The following ERBB4 variants were observed in gnomAD, a reference collection of about 807,000 sequenced individuals.
The protein encoded by ERBB4 is erb-b2 receptor tyrosine kinase 4, also known as receptor tyrosine-protein kinase erbB-4.
ERBB4 carries 42 observed loss-of-function variants against 158.0 expected under a neutral mutation model. The ratio of observed to expected loss-of-function variants is 0.27; its 90% CI spans 0.21 to 0.34. ERBB4 has a LOEUF of 0.34. Among genes scored for constraint, ERBB4 ranks in the 10% least tolerant of loss-of-function variants. The probability of loss-of-function intolerance (pLI) is 1.00; values close to 1 mark genes in which losing one functional copy is unlikely to be tolerated. For synonymous variants in ERBB4, 583 were observed against 558.7 expected, an observed-to-expected ratio of 1.04 and a Z score of -0.61; for missense variants, 1,333 against 1,624.1, an observed-to-expected ratio of 0.82 and a Z score of 3.08.
At chr2:211,925,376 CTTT>C (rs71054150) in intron 3 of ERBB4, among the ~76,000 whole-genome samples, 5 of 81,574 alleles carry the variant, frequency 6.1e-5, no homozygotes, top group Admixed American at 1.6e-4. Flanking sequence ...AACAAGACTG[CTTT>C]TTTTTTTTTT....
intron 1 of ERBB4, among the ~76,000 whole-genome samples, chr2:212,414,588 T>C (rs1269432338): frequency 1.3e-5 from 2 of 152,192 alleles, no homozygotes; most frequent in Non-Finnish European, 2.9e-5. Context: ...TTAAGCTAAA[T>C]TGATAAATTG....
intron 20 of ERBB4, among the ~76,000 whole-genome samples, chr2:211,506,030 A>G (rs1195542807): frequency 6.6e-6 from 1 of 151,982 alleles, no homozygotes; most frequent in Non-Finnish European, 1.5e-5. Flanking sequence ...TCTGCAGCTT[A>G]TAAGAGAACC....
intron 16 of ERBB4, among the ~76,000 whole-genome samples, chr2:211,647,662 A>G (rs1215834934): frequency 6.6e-6 from 1 of 151,722 alleles, no homozygotes; most frequent in Non-Finnish European, 1.5e-5. Context: ...AGTTCTAAAT[A>G]TTTTTTGAAT....
At chr2:212,513,660 A>C (rs1181909738) in intron 1 of ERBB4, among the ~76,000 whole-genome samples, 1 of 151,984 alleles carries the variant, frequency 6.6e-6, no homozygotes, top group Non-Finnish European at 1.5e-5. Context: ...AAATACAAAA[A>C]ATTAGCCGGG....
intron 20 of ERBB4, among the ~76,000 whole-genome samples, chr2:211,441,760 G>A (rs1369744806): frequency 6.6e-6 from 1 of 152,040 alleles, no homozygotes; most frequent in Admixed American, 6.6e-5. Context: ...CACAGCCCTA[G>A]GGAGGAGTTC....
intron 4 of ERBB4, among the ~76,000 whole-genome samples, chr2:211,781,293 A>G (rs920651983): frequency 1.3e-5 from 2 of 152,248 alleles, no homozygotes; most frequent in Non-Finnish European, 2.9e-5. Context: ...AGTTTAAAAC[A>G]TGGACAGAAT....
intron 19 of ERBB4, among the ~76,000 whole-genome samples, chr2:211,562,442 AC>A (rs2067422555): frequency 6.6e-6 from 1 of 152,178 alleles, no homozygotes; most frequent in South Asian, 2.1e-4. Context: ...TTAACCTTTG[AC>A]CTTTGCTCTG....
chr2:212,115,742 C>G (rs975222871), intron 2 of ERBB4, among the ~76,000 whole-genome samples: 20 of 152,222 alleles, frequency 1.3e-4, no homozygotes, highest in Admixed American at 1.3e-3. Flanking sequence ...CTCCTGGGCT[C>G]AAGCAATCCT....
At chr2:211,450,500 G>GAATTA in intron 20 of ERBB4, among the ~76,000 whole-genome samples, 1 of 152,160 alleles carries the variant, frequency 6.6e-6, no homozygotes, top group Non-Finnish European at 1.5e-5. Flanking sequence ...CCCGGACCAG[G>GAATTA]GTGGTGCTAG....
At chr2:212,219,671 T>C (rs1226362250) in intron 1 of ERBB4, among the ~76,000 whole-genome samples, 1 of 151,168 alleles carries the variant, frequency 6.6e-6, no homozygotes, top group African/African-American at 2.4e-5. Context: ...AAAGAGCCAA[T>C]GGACAACTAC....
intron 2 of ERBB4, among the ~76,000 whole-genome samples, chr2:212,031,885 G>A (rs1238435937): frequency 1.3e-5 from 2 of 151,944 alleles, no homozygotes; most frequent in African/African-American, 4.8e-5. Flanking sequence ...GATTATTATG[G>A]CAATTTCCCT....
chr2:211,470,684 A>C (rs1331567337), intron 20 of ERBB4, among the ~76,000 whole-genome samples: 1 of 152,232 alleles, frequency 6.6e-6, no homozygotes, highest in Non-Finnish European at 1.5e-5. Flanking sequence ...TTTAAGGTAC[A>C]TGTGACTAAC....
intron 25 of ERBB4, 125 bp downstream of exon 25, chr2:211,420,316 A>G: frequency 1.4e-6 from 1 of 738,950 alleles, no homozygotes; most frequent in South Asian, 1.7e-5. Context: ...GGTATGGTAT[A>G]TTTTTAATCT....
chr2:212,525,083 T>A (rs1692377206), intron 1 of ERBB4, among the ~76,000 whole-genome samples: 1 of 152,004 alleles, frequency 6.6e-6, no homozygotes, highest in Non-Finnish European at 1.5e-5. Context: ...TTGTAAGAAA[T>A]ACACTACTTG....
At chr2:211,406,966 G>A (rs1016449686) in intron 25 of ERBB4, among the ~76,000 whole-genome samples, 9 of 152,054 alleles carry the variant, frequency 5.9e-5, no homozygotes, top group African/African-American at 2.2e-4. Flanking sequence ...TGCAGTTCCA[G>A]CTACTCAGGA....
At chr2:212,177,074 G>A (rs1020445843) in intron 1 of ERBB4, among the ~76,000 whole-genome samples, 6 of 151,756 alleles carry the variant, frequency 4.0e-5, no homozygotes, top group African/African-American at 1.5e-4. Flanking sequence ...CATAAGTATT[G>A]TGATTAATAT....
intron 1 of ERBB4, among the ~76,000 whole-genome samples, chr2:212,315,840 CAG>C (rs768501933): frequency 1.6e-4 from 24 of 151,424 alleles, no homozygotes; most frequent in Non-Finnish European, 3.0e-5. Flanking sequence ...TCTGACACAA[CAG>C]AGAGCCAATT....
At chr2:212,081,608 C>T (rs1376306339) in intron 2 of ERBB4, among the ~76,000 whole-genome samples, 2 of 152,072 alleles carry the variant, frequency 1.3e-5, no homozygotes, top group Non-Finnish European at 2.9e-5. Flanking sequence ...TAAAAAGATG[C>T]AAGTGCTTAT....
At chr2:211,760,200 T>A (rs1408030994) in intron 4 of ERBB4, among the ~76,000 whole-genome samples, 1 of 152,196 alleles carries the variant, frequency 6.6e-6, no homozygotes, top group Non-Finnish European at 1.5e-5. Context: ...ACTGATGGGA[T>A]CTGAAATAGA....
Sources: allele counts gnomAD v4.1 joint callset (sites outside exome capture counted in the v4.1 genomes callset), GRCh38; gene constraint gnomAD v4.1.1; transcripts MANE v1.5; gene names NCBI Gene and HGNC (gene_info 2026-07-23, HGNC 2026-07-21).